The following LY86 variants were observed in gnomAD, a reference collection of about 807,000 sequenced individuals.
The protein encoded by LY86 is lymphocyte antigen 86.
LY86 carries 20 observed loss-of-function variants against 17.3 expected under a neutral mutation model. The ratio of observed to expected loss-of-function variants is 1.15; its 90% CI spans 0.81 to 1.68. The LOEUF is 1.68. Among genes scored for constraint, LY86 ranks in the 40% most tolerant of loss-of-function variants. LY86 has a pLI of 0.00. For synonymous variants in LY86, 74 were observed against 70.6 expected (o/e 1.05, Z -0.24); for missense variants, 200 against 191.9 (o/e 1.04, Z -0.25).
chr6:6,631,324 C>A (rs564423416), intron 3 of LY86, among the ~76,000 whole-genome samples: 11 of 152,292 alleles, frequency 7.2e-5, no homozygotes, highest in African/African-American at 2.4e-4. Flanking sequence ...ACAAAGCCAG[C>A]GGGGGGTGGA....
chr6:6,612,126 TCAA>T (rs1487492319), intron 1 of LY86, among the ~76,000 whole-genome samples: 13 of 152,212 alleles, frequency 8.5e-5, no homozygotes, highest in Admixed American at 5.9e-4. Context: ...AAAAATCAGC[TCAA>T]CAACTCCTAA....
intron 1 of LY86, among the ~76,000 whole-genome samples, chr6:6,603,686 A>C (rs1458965091): frequency 6.6e-6 from 1 of 151,286 alleles, no homozygotes; most frequent in Non-Finnish European, 1.5e-5. Flanking sequence ...AGTTGTGTCT[A>C]CCCACAGAAA....
At chr6:6,616,931 GTGT>G in intron 1 of LY86, among the ~76,000 whole-genome samples, 1 of 152,224 alleles carries the variant, frequency 6.6e-6, no homozygotes, top group African/African-American at 2.4e-5. Context: ...GGTTGTGTGA[GTGT>G]CACCAGTGTC....
At chr6:6,606,732 T>C (rs983738695) in intron 1 of LY86, among the ~76,000 whole-genome samples, 1 of 152,204 alleles carries the variant, frequency 6.6e-6, no homozygotes, top group Non-Finnish European at 1.5e-5. Context: ...CGGGGCCCGC[T>C]GAGCCCACGC....
At chr6:6,612,238 C>G (rs980735501) in intron 1 of LY86, among the ~76,000 whole-genome samples, 1 of 152,174 alleles carries the variant, frequency 6.6e-6, no homozygotes, top group Non-Finnish European at 1.5e-5. Flanking sequence ...GAGGGCGTGT[C>G]CAGAGTTTAT....
At chr6:6,624,870 A>G in intron 1 of LY86, 56 bp from the exon 2 acceptor site, 3 of 777,788 alleles carry the variant, frequency 3.9e-6, no homozygotes, top group Non-Finnish European at 6.5e-6. Flanking sequence ...AATTTTGAAT[A>G]TGTTTGCAAA....
chr6:6,642,878 G>A (rs763198618), intron 3 of LY86, among the ~76,000 whole-genome samples: 8 of 152,262 alleles, frequency 5.3e-5, no homozygotes, highest in Admixed American at 1.3e-4. Flanking sequence ...CTCCTCCTCC[G>A]GAGACGATGC....
At chr6:6,650,965 T>C (rs1358160695) in intron 4 of LY86, among the ~76,000 whole-genome samples, 1 of 152,218 alleles carries the variant, frequency 6.6e-6, no homozygotes, top group Non-Finnish European at 1.5e-5. Context: ...TAATTGAGAA[T>C]AAACAATATT....
chr6:6,622,194 A>T (rs1761696978), intron 1 of LY86, among the ~76,000 whole-genome samples: 1 of 152,184 alleles, frequency 6.6e-6, no homozygotes, highest in African/African-American at 2.4e-5. Flanking sequence ...TATTTTCCTA[A>T]CAACAATGTG....
chr6:6,640,146 G>A (rs1031829864), intron 3 of LY86, among the ~76,000 whole-genome samples: 9 of 152,292 alleles, frequency 5.9e-5, no homozygotes, highest in Admixed American at 3.9e-4. Flanking sequence ...GATTTGGCTA[G>A]GAGTCAATGA....
intron 1 of LY86, among the ~76,000 whole-genome samples, chr6:6,606,739 A>G (rs372137681): frequency 6.6e-6 from 1 of 152,192 alleles, no homozygotes; most frequent in Non-Finnish European, 1.5e-5. Flanking sequence ...CGCTGAGCCC[A>G]CGCCCACCCG....
At chr6:6,649,746 G>GGAC in intron 4 of LY86, 69 bp downstream of exon 4, 1 of 978,686 alleles carries the variant, frequency 1.0e-6, no homozygotes, top group Non-Finnish European at 1.6e-6. Context: ...GCTAGAAGGA[G>GGAC]GGAAAGGAGG....
intron 3 of LY86, among the ~76,000 whole-genome samples, chr6:6,633,430 G>A (rs1761921887): frequency 6.6e-6 from 1 of 152,172 alleles, no homozygotes; most frequent in African/African-American, 2.4e-5. Flanking sequence ...AGGGGTACAT[G>A]TGCAGGATGT....
chr6:6,641,988 G>A (rs537619378), intron 3 of LY86, among the ~76,000 whole-genome samples: 2 of 152,346 alleles, frequency 1.3e-5, no homozygotes, highest in Admixed American at 1.3e-4. Flanking sequence ...GAGGCTTCAG[G>A]AGTTCACATC....
chr6:6,624,179 G>A (rs1339402644), intron 1 of LY86, among the ~76,000 whole-genome samples: 1 of 152,156 alleles, frequency 6.6e-6, no homozygotes, highest in African/African-American at 2.4e-5. Context: ...AATGAAGGAT[G>A]GATTTGTGAT....
At chr6:6,632,906 A>G (rs112462150) in intron 3 of LY86, among the ~76,000 whole-genome samples, 2,625 of 152,272 alleles carry the variant, frequency 0.017, 35 homozygotes, top group South Asian at 0.027. Context: ...GTCAGCACTC[A>G]CCAGCACCAC....
At chr6:6,649,489 G>GGGCGCCGTATCAT in intron 3 of LY86, 136 bp from the exon 4 acceptor site, 1 of 486,394 alleles carries the variant, frequency 2.1e-6, no homozygotes, top group South Asian at 3.6e-5. Context: ...ATCAGGAAAT[G>GGGCGCCGTATCAT]AAAACATTTC....
intron 1 of LY86, among the ~76,000 whole-genome samples, chr6:6,609,080 C>T (rs1761268884): frequency 6.6e-6 from 1 of 152,198 alleles, no homozygotes; most frequent in Non-Finnish European, 1.5e-5. Context: ...CCAACCGCAG[C>T]TCTGCTTTTC....
At chr6:6,652,054 TCAA>T (rs1346106027) in intron 4 of LY86, among the ~76,000 whole-genome samples, 1 of 32,976 alleles carries the variant, frequency 3.0e-5, no homozygotes. Flanking sequence ...AGACTCCATC[TCAA>T]AAAAAAAAAA....
Sources: allele counts gnomAD v4.1 joint callset (sites outside exome capture counted in the v4.1 genomes callset), GRCh38; gene constraint gnomAD v4.1.1; transcripts MANE v1.5; gene names NCBI Gene and HGNC (gene_info 2026-07-23, HGNC 2026-07-21).